MARCHF1: variants seen among roughly 807,000 people sequenced by gnomAD.
MARCHF1 encodes membrane associated ring-CH-type finger 1, also known as E3 ubiquitin-protein ligase MARCHF1.
Under a neutral mutation model 54.2 loss-of-function variants are expected in MARCHF1, and 40 were observed. The observed-to-expected ratio is 0.74, with a 90% CI of 0.57 to 0.96. The LOEUF is 0.96. MARCHF1 is among the 40% of genes least tolerant of loss of function. The pLI, the probability that MARCHF1 is intolerant of heterozygous loss-of-function variation, is 0.00. For missense variants in MARCHF1, 586 were observed against 656.5 expected (o/e 0.89, Z 1.17); for synonymous variants, 236 against 236.3 (o/e 1.00, Z 0.01).
chr4:164,109,185 G>T (rs1430624232), intron 2 of MARCHF1, among the ~76,000 whole-genome samples: 1 of 151,984 alleles, frequency 6.6e-6, no homozygotes, highest in South Asian at 2.1e-4. Flanking sequence ...TTTACAGAAT[G>T]TAAAATAGTA....
At chr4:163,733,258 T>TATATACACATGTATATATATAC (rs1554008879) in intron 4 of MARCHF1, among the ~76,000 whole-genome samples, 2 of 45,062 alleles carry the variant, frequency 4.4e-5, no homozygotes, top group African/African-American at 1.3e-4. Context: ...TATATATATA[T>TATATACACATGTATATATATAC]ACACACACAC....
chr4:163,618,197 G>A (rs960507901), intron 5 of MARCHF1, among the ~76,000 whole-genome samples: 1 of 152,158 alleles, frequency 6.6e-6, no homozygotes, highest in South Asian at 2.1e-4. Context: ...CAGATACTGT[G>A]CCTGAATCCT....
At chr4:163,524,415 G>A (rs541641492), downstream of MARCHF1, 9 of 152,236 alleles carry the variant, frequency 5.9e-5, no homozygotes, top group South Asian at 1.9e-3. Context: ...GAAAAATGCT[G>A]TTATATGCTT....
At chr4:163,989,073 C>T (rs938641270) in intron 2 of MARCHF1, among the ~76,000 whole-genome samples, 1 of 152,054 alleles carries the variant, frequency 6.6e-6, no homozygotes, top group Non-Finnish European at 1.5e-5. Context: ...TATCCTGATT[C>T]CCCAGGAGTC....
chr4:164,280,397 CAATAGACCTAGTTA>C (rs1354572839), intron 1 of MARCHF1, among the ~76,000 whole-genome samples: 1 of 151,848 alleles, frequency 6.6e-6, no homozygotes, highest in Non-Finnish European at 1.5e-5. Flanking sequence ...GAAAGAGTAG[CAATAGACCTAGTTA>C]AATAAACTAC....
At chr4:163,960,392 C>T (rs1752322631) in intron 3 of MARCHF1, among the ~76,000 whole-genome samples, 1 of 151,988 alleles carries the variant, frequency 6.6e-6, no homozygotes, top group South Asian at 2.1e-4. Flanking sequence ...ATAGCAAAGA[C>T]ATGGAATCAA....
intron 4 of MARCHF1, among the ~76,000 whole-genome samples, chr4:163,825,642 AGTGTAAGATGGTAT>A (rs1748829089): frequency 6.6e-6 from 1 of 151,948 alleles, no homozygotes; most frequent in Non-Finnish European, 1.5e-5. Context: ...CATTCTGACT[AGTGTAAGATGGTAT>A]CTCATTATGG....
intron 1 of MARCHF1, chr4:164,189,689 G>C (rs1055361540): frequency 8.3e-5 from 81 of 973,236 alleles, no homozygotes; most frequent in Non-Finnish European, 1.2e-4. Flanking sequence ...CTGATTCCAA[G>C]GAACACAGTG....
chr4:164,150,337 T>G (rs1307950484), intron 1 of MARCHF1, among the ~76,000 whole-genome samples: 1 of 152,178 alleles, frequency 6.6e-6, no homozygotes, highest in Non-Finnish European at 1.5e-5. Context: ...TCCCAGGGTA[T>G]AAATGCTTCC....
chr4:164,284,982 A>G (rs1734108596), intron 1 of MARCHF1, among the ~76,000 whole-genome samples: 2 of 143,366 alleles, frequency 1.4e-5, no homozygotes, highest in South Asian at 2.2e-4. Context: ...AACTGATCAC[A>G]TCATAATACA....
intron 5 of MARCHF1, among the ~76,000 whole-genome samples, chr4:163,630,322 A>G (rs537100358): frequency 6.6e-6 from 1 of 152,346 alleles, no homozygotes; most frequent in Non-Finnish European, 1.5e-5. Context: ...TGCTGAGTGA[A>G]AGAAGCCAGT....
intron 1 of MARCHF1, among the ~76,000 whole-genome samples, chr4:164,131,575 C>T (rs932760663): frequency 6.6e-6 from 1 of 151,886 alleles, no homozygotes; most frequent in Non-Finnish European, 1.5e-5. Context: ...TAAATGTATA[C>T]CTCTTATTTT....
At chr4:163,958,300 AATAC>A (rs927396184) in intron 3 of MARCHF1, among the ~76,000 whole-genome samples, 74 of 151,844 alleles carry the variant, frequency 4.9e-4, no homozygotes, top group African/African-American at 1.8e-3. Flanking sequence ...CATCTGACTT[AATAC>A]ATAAATATTT....
intron 5 of MARCHF1, among the ~76,000 whole-genome samples, chr4:163,636,150 A>C (rs183955646): frequency 0.013 from 1,949 of 152,280 alleles, 39 homozygotes; most frequent in African/African-American, 0.043. Context: ...ACTGAATGGG[A>C]AAAAACTGGA....
chr4:164,346,610 A>G (rs1380499845), intron 1 of MARCHF1, among the ~76,000 whole-genome samples: 35 of 1,264 alleles, frequency 0.028, 1 homozygote, highest in East Asian at 0.11. Flanking sequence ...GTATGTATAT[A>G]TATATATATA....
intron 5 of MARCHF1, among the ~76,000 whole-genome samples, chr4:163,692,238 A>G (rs1417452842): frequency 1.3e-5 from 2 of 152,224 alleles, no homozygotes; most frequent in Non-Finnish European, 2.9e-5. Flanking sequence ...GGGCTGAGGA[A>G]GCAGCCTTGA....
At chr4:163,806,720 T>C (rs1748234189) in intron 4 of MARCHF1, among the ~76,000 whole-genome samples, 1 of 152,190 alleles carries the variant, frequency 6.6e-6, no homozygotes, top group African/African-American at 2.4e-5. Flanking sequence ...AAAAGCATCC[T>C]GGTGGCATCC....
chr4:164,255,020 C>A (rs190416250), intron 1 of MARCHF1, among the ~76,000 whole-genome samples: 29 of 152,316 alleles, frequency 1.9e-4, no homozygotes, highest in Non-Finnish European at 3.7e-4. Context: ...GGTGGGATTA[C>A]AGGCGTGAGC....
intron 3 of MARCHF1, among the ~76,000 whole-genome samples, chr4:163,959,401 C>A (rs555147408): frequency 4.0e-5 from 6 of 151,500 alleles, no homozygotes; most frequent in East Asian, 1.9e-4. Flanking sequence ...ATAGTGATAC[C>A]CATCTTCAAA....
Sources: allele counts gnomAD v4.1 joint callset (sites outside exome capture counted in the v4.1 genomes callset), GRCh38; gene constraint gnomAD v4.1.1; transcripts MANE v1.5; gene names NCBI Gene and HGNC (gene_info 2026-07-23, HGNC 2026-07-21).